MSH3: variants seen among roughly 807,000 people sequenced by gnomAD.
MSH3 encodes the protein DNA mismatch repair protein Msh3.
A neutral mutation model predicts 123.3 loss-of-function variants in MSH3; 106 were observed. The observed-to-expected ratio is 0.86, with a 90% CI of 0.73 to 1.01. MSH3 has a LOEUF of 1.01. Among genes scored for constraint, MSH3 ranks in the 50% least tolerant of loss-of-function variants. The pLI, the probability that MSH3 is intolerant of heterozygous loss-of-function variation, is 0.00. For synonymous variants in MSH3, 515 were observed against 481.4 expected (o/e 1.07, Z -0.91); for missense variants, 1,459 against 1,347.6 (o/e 1.08, Z -1.29).
intron 22 of MSH3, among the ~76,000 whole-genome samples, chr5:80,867,965 C>G (rs1746134562): frequency 6.6e-6 from 1 of 152,080 alleles, no homozygotes; most frequent in Non-Finnish European, 1.5e-5. Context: ...GTTGCAATTG[C>G]TTTTGGCCTC....
At chr5:80,798,410 T>C (rs548418660) in intron 19 of MSH3, among the ~76,000 whole-genome samples, 1 of 152,310 alleles carries the variant, frequency 6.6e-6, no homozygotes, top group South Asian at 2.1e-4. Flanking sequence ...AAATAATGTC[T>C]AGCTGGCCCA....
rs763339617 is a variant in MSH3 at position 80,761,539 on chromosome 5, C to G, written c.1764-7C>G. The G allele has an allele frequency of 3.4e-5, 55 of 1,613,852 alleles. No individual in the cohort carries two copies. The highest frequency in any genetic ancestry group is 5.3e-5 in the African/African-American group (4 of 74,892). On this transcript the variant is annotated splice_region_variant and splice_polypyrimidine_tract_variant and intron_variant, in intron 12 of 23. Coordinates refer to ENST00000265081, the MANE Select transcript of MSH3 (RefSeq NM_002439.5). ...ATCTGATTATTGCTATTACTCTTTTCTCACAGGGAAATAAATGCCCGGCTT... is the reference window on the plus strand; with the variant it reads ...ATCTGATTATTGCTATTACTCTTTTGTCACAGGGAAATAAATGCCCGGCTT...
chr5:80,873,144 C>T lies in MSH3; in HGVS notation c.3159C>T (p.Val1053=). Residue 1053 remains valine (V), a synonymous_variant, in exon 23 of 24, where the codon GTC becomes GTT. Transcript: ENST00000265081. ...PGAAEQVPDF[V]TFLYQITRGI... ...CAGCAGAACAAGTCCCTGATTTTGT[C>T]ACCTTCCTTTACCAAATAACTAGAG... The T allele has an allele frequency of 1.2e-6, 2 of 1,613,722 alleles. No individual in the cohort carries two copies. Among genetic ancestry groups the T allele is most frequent in the Non-Finnish European group, 8.5e-7 (1 of 1,179,714 alleles).
chr5:80,693,622 TATACAC>T (rs1750396773), intron 8 of MSH3, among the ~76,000 whole-genome samples: 2 of 96,316 alleles, frequency 2.1e-5, no homozygotes, highest in African/African-American at 9.2e-5. Context: ...CACACACACA[TATACAC>T]ACACACACAC....
chr5:80,847,386 A>C (rs540082141), intron 20 of MSH3, among the ~76,000 whole-genome samples: 1 of 149,178 alleles, frequency 6.7e-6, no homozygotes, highest in East Asian at 2.0e-4. Context: ...CCTGTCTCTG[A>C]GTACTTTTTT....
At chr5:80,858,447 C>G (rs557584679) in intron 21 of MSH3, among the ~76,000 whole-genome samples, 14 of 152,192 alleles carry the variant, frequency 9.2e-5, no homozygotes, top group Middle Eastern at 3.4e-3. Flanking sequence ...TTAAATTTCT[C>G]TTTATTTCTT....
intron 8 of MSH3, among the ~76,000 whole-genome samples, chr5:80,715,862 C>G (rs1750949836): frequency 6.6e-6 from 1 of 152,190 alleles, no homozygotes; most frequent in Non-Finnish European, 1.5e-5. Flanking sequence ...CACCAGGTCC[C>G]TGCTCCAGCA....
intron 11 of MSH3, among the ~76,000 whole-genome samples, chr5:80,744,157 G>C (rs1189110138): frequency 6.6e-6 from 1 of 152,122 alleles, no homozygotes; most frequent in Admixed American, 6.5e-5. Context: ...AATGGTAACT[G>C]TGAAATACCA....
At chr5:80,841,431 G>A (rs1365623104) in intron 20 of MSH3, among the ~76,000 whole-genome samples, 4 of 152,188 alleles carry the variant, frequency 2.6e-5, no homozygotes, top group Admixed American at 2.0e-4. Context: ...GTAATGGGAT[G>A]GCTGGGTCAA....
chr5:80,692,547 T>TATAGATAAACATGTATATGTTTAG, intron 8 of MSH3, among the ~76,000 whole-genome samples: 2 of 74,608 alleles, frequency 2.7e-5, no homozygotes, highest in African/African-American at 1.3e-4. Flanking sequence ...TATATGTTTA[T>TATAGATAAACATGTATATGTTTAG]ATAGAGAGAT....
rs200583517 is a variant in MSH3 at position 80,857,152 on chromosome 5, G to A, written c.3000+2836G>A. Among the ~76,000 whole-genome samples, 31 of 152,230 alleles carry A rather than the reference G, an allele frequency of 2.0e-4. No individual in the cohort carries two copies. In the East Asian group the frequency reaches 6.0e-3, roughly 29 times the overall value. On this transcript the variant is annotated intron_variant, in intron 21 of 23. Coordinates refer to ENST00000265081, the MANE Select transcript of MSH3 (RefSeq NM_002439.5). ...ATGCTTTCTGTGCATCTATTGATAT[G>A]GTCATGTGATTTTTCTTCTTTAGCC...
chr5:80,747,266 C>T (rs1743739046), intron 12 of MSH3, among the ~76,000 whole-genome samples: 1 of 152,028 alleles, frequency 6.6e-6, no homozygotes, highest in Admixed American at 6.6e-5. Flanking sequence ...TCTTCATTTC[C>T]AATGTTAAAT....
At chr5:80,722,659 C>T (rs1009180513) in intron 8 of MSH3, among the ~76,000 whole-genome samples, 1 of 152,050 alleles carries the variant, frequency 6.6e-6, no homozygotes. Context: ...TGAGCACAAC[C>T]AAAGCTGTAT....
chr5:80,693,525 A>AGATAAATATACATGCACATGTATG (rs1750387014), intron 8 of MSH3, among the ~76,000 whole-genome samples: 1 of 146,632 alleles, frequency 6.8e-6, no homozygotes, highest in Non-Finnish European at 1.5e-5. Flanking sequence ...GCACATGTAT[A>AGATAAATATACATGCACATGTATG]TGTTTATATA....
At chr5:80,794,474 A>T (rs1213349069) in intron 19 of MSH3, among the ~76,000 whole-genome samples, 1 of 152,206 alleles carries the variant, frequency 6.6e-6, no homozygotes, top group East Asian at 1.9e-4. Flanking sequence ...ACCTGATGAG[A>T]ATTTGGTCAA....
At chr5:80,708,936 G>A (rs1750782024) in intron 8 of MSH3, among the ~76,000 whole-genome samples, 1 of 151,686 alleles carries the variant, frequency 6.6e-6, no homozygotes, top group African/African-American at 2.4e-5. Flanking sequence ...TACCATGTCT[G>A]GCTAATTTTT....
intron 17 of MSH3, among the ~76,000 whole-genome samples, chr5:80,779,746 A>G (rs546182961): frequency 6.6e-6 from 1 of 151,096 alleles, no homozygotes; most frequent in South Asian, 2.1e-4. Flanking sequence ...TTGTATTTTT[A>G]ATAGAGACGG....
rs1749285185 is a variant in MSH3 at position 80,656,399 on chromosome 5, T to C, written c.238-12T>C. 6.2e-7 allele frequency: 1 copy of C among 1,613,954 alleles called. No individual in the cohort carries two copies. The highest frequency in any genetic ancestry group is 8.5e-7 in the Non-Finnish European group (1 of 1,179,920). On this transcript the variant is annotated splice_polypyrimidine_tract_variant and intron_variant, in intron 1 of 23. Coordinates refer to ENST00000265081, the MANE Select transcript of MSH3 (RefSeq NM_002439.5). ...AGAGATAACACATCATTTTCTAACC[T>C]TCCCGATATAGGCTACAGAAATTGA...
chr5:80,759,904 C>T (rs1580025619), intron 12 of MSH3, among the ~76,000 whole-genome samples: 1 of 152,256 alleles, frequency 6.6e-6, no homozygotes, highest in South Asian at 2.1e-4. Context: ...ACAAATGGTC[C>T]TTCTGCATGC....
Sources: gnomAD v4.1 joint callset for allele counts (sites outside exome capture counted in the v4.1 genomes callset) on GRCh38, gnomAD v4.1.1 for gene constraint, MANE v1.5 for transcripts, NCBI Gene and HGNC (gene_info 2026-07-23, HGNC 2026-07-21) for gene names.